DMGDH: variants seen among roughly 807,000 people sequenced by gnomAD.
The protein encoded by DMGDH is dimethylglycine dehydrogenase, also known as dimethylglycine dehydrogenase, mitochondrial.
In DMGDH, 76 loss-of-function variants were observed where a neutral mutation model predicts 95.2. The observed-to-expected ratio is 0.80, with a 90% CI of 0.66 to 0.97. The LOEUF is 0.97. DMGDH is among the 50% of genes least tolerant of loss of function. DMGDH has a pLI of 0.00. For synonymous variants in DMGDH, 345 were observed against 377.6 expected (o/e 0.91, Z 1.00); for missense variants, 987 against 1,055.0 (o/e 0.94, Z 0.89).
At chr5:79,043,669 C>T (rs979709987) in intron 6 of DMGDH, among the ~76,000 whole-genome samples, 1 of 152,188 alleles carries the variant, frequency 6.6e-6, no homozygotes, top group Non-Finnish European at 1.5e-5. Context: ...AGCTGAGGTA[C>T]CTCCTTAGAT....
chr5:79,059,040 C>T (rs990688169), intron 2 of DMGDH, among the ~76,000 whole-genome samples: 21 of 152,300 alleles, frequency 1.4e-4, no homozygotes, highest in African/African-American at 4.8e-4. Flanking sequence ...CACTAAAATA[C>T]GTGTATTTCT....
chr5:79,018,863 A>T lies in DMGDH; in HGVS notation c.2250+5408T>A, dbSNP rs958507094. 1.1e-4 allele frequency among the ~76,000 whole-genome samples: 17 copies of T among 152,312 alleles called. 1 individual carries two copies. Among genetic ancestry groups the T allele is most frequent in the Admixed American group, 5.9e-4 (9 of 15,296 alleles). ...GGATATATATGAAAATAATGATTCA[A>T]TGGCTTTAGTTTAATGTATCCTGAC... On this transcript the variant is annotated intron_variant, in intron 14 of 15. Coordinates refer to ENST00000255189, the MANE Select transcript of DMGDH (RefSeq NM_013391.3).
At chr5:79,009,524 T>TA (rs1189208435) in intron 14 of DMGDH, among the ~76,000 whole-genome samples, 1 of 152,092 alleles carries the variant, frequency 6.6e-6, no homozygotes, top group Non-Finnish European at 1.5e-5. Flanking sequence ...CAGGCCTTGC[T>TA]AATTTCTGTA....
At chr5:79,010,241 G>C (rs1276259440) in intron 14 of DMGDH, among the ~76,000 whole-genome samples, 3 of 152,214 alleles carry the variant, frequency 2.0e-5, no homozygotes, top group African/African-American at 7.2e-5. Flanking sequence ...ATGAAAGAAA[G>C]TAAATCAGTA....
chr5:79,066,579 C>T (rs902104174), intron 1 of DMGDH, among the ~76,000 whole-genome samples: 3 of 152,040 alleles, frequency 2.0e-5, no homozygotes, highest in African/African-American at 4.8e-5. Flanking sequence ...CAGGTGTGAG[C>T]CACCACGCCC....
At chr5:79,024,181 A>T in intron 14 of DMGDH, 90 bp downstream of exon 14, 1 of 1,145,974 alleles carries the variant, frequency 8.7e-7, no homozygotes, top group Non-Finnish European at 1.3e-6. Context: ...TATAATCCAT[A>T]CTTGGTTAAA....
rs757032350 is a variant in DMGDH at position 79,051,434 on chromosome 5, T to C, written c.598A>G (p.Met200Val). The C allele has an allele frequency of 3.1e-6, 5 of 1,614,172 alleles. No individual in the cohort carries two copies. Among genetic ancestry groups the C allele is most frequent in the Non-Finnish European group, 4.2e-6 (5 of 1,180,028 alleles). ...DGHIDPYSLT[M>V]ALAAGARKCG... ...TTCCTAGCCCCAGCAGCCAGTGCCATAGTTAGAGAATAAGGATCAATGTGA... is the reference window on the plus strand; with the variant it reads ...TTCCTAGCCCCAGCAGCCAGTGCCACAGTTAGAGAATAAGGATCAATGTGA... The change falls in exon 5 of 16, where the codon ATG (methionine) becomes GTG (valine). Residue 200 changes from methionine (M) to valine (V), a missense_variant. By Grantham distance (21) the Met-to-Val change is conservative. Transcript: ENST00000255189.
chr5:79,002,245 A>T lies in DMGDH; in HGVS notation c.2385+3028T>A, dbSNP rs73771376. ...GTTTTAGTTTACAAATAATAATTTT[A>T]AAAAACCTTCTAAGCTCTCCAAACC... On this transcript the variant is annotated intron_variant, in intron 15 of 15. Coordinates refer to ENST00000255189, the MANE Select transcript of DMGDH (RefSeq NM_013391.3). 1.1e-3 allele frequency among the ~76,000 whole-genome samples: 173 copies of T among 152,262 alleles called. 1 individual carries two copies. The highest frequency in any genetic ancestry group is 3.9e-3 in the African/African-American group (161 of 41,558).
chr5:79,018,910 C>A (rs76340872), intron 14 of DMGDH, among the ~76,000 whole-genome samples: 1 of 152,140 alleles, frequency 6.6e-6, no homozygotes, highest in Non-Finnish European at 1.5e-5. Flanking sequence ...GAATGGTCAA[C>A]TACACTTCAG....
At chr5:79,010,325 C>T (rs1204014208) in intron 14 of DMGDH, among the ~76,000 whole-genome samples, 4 of 152,102 alleles carry the variant, frequency 2.6e-5, no homozygotes, top group South Asian at 4.1e-4. Context: ...GACAGCAGCA[C>T]GGTAGGCAGG....
In DMGDH at chr5:78,998,064, A is replaced by C. The variant is rs760031705; in HGVS notation, c.*18T>G. The C allele has an allele frequency of 6.8e-6, 11 of 1,613,454 alleles. No homozygotes were observed. Among genetic ancestry groups the C allele is most frequent in the Non-Finnish European group, 8.5e-6 (10 of 1,179,490 alleles). On this transcript the variant is annotated 3_prime_UTR_variant, in exon 16 of 16. Coordinates refer to ENST00000255189, the MANE Select transcript of DMGDH (RefSeq NM_013391.3). ...GTCATTAGCAACTCTAATTCAGTTG[A>C]CTGCTGAAGGTCTTTTTTCAAGTTT...
chr5:79,006,648 AGAAAG>A (rs1753550497), intron 14 of DMGDH, among the ~76,000 whole-genome samples: 1 of 152,246 alleles, frequency 6.6e-6, no homozygotes, highest in South Asian at 2.1e-4. Flanking sequence ...CTGAACGCAA[AGAAAG>A]GAAACAACCA....
chr5:79,002,037 T>C (rs111879836), intron 15 of DMGDH, among the ~76,000 whole-genome samples: 47 of 152,356 alleles, frequency 3.1e-4, no homozygotes, highest in African/African-American at 1.1e-3. Context: ...AAAACAAACA[T>C]TGACCTTCTT....
intron 10 of DMGDH, 182 bp downstream of exon 10, chr5:79,030,651 A>G: frequency 5.0e-6 from 2 of 403,554 alleles, no homozygotes; most frequent in South Asian, 4.5e-5. Context: ...GTCTCTCAAA[A>G]AAAAAAAAAA....
chr5:79,016,647 G>T (rs1326693632), intron 14 of DMGDH, among the ~76,000 whole-genome samples: 2 of 152,180 alleles, frequency 1.3e-5, no homozygotes, highest in Admixed American at 1.3e-4. Context: ...TTGACCTGTA[G>T]ATAAAATGCA....
At chr5:79,029,696 A>C (rs7731142) in intron 11 of DMGDH, among the ~76,000 whole-genome samples, 50,156 of 152,144 alleles carry the variant, frequency 0.33, 9,037 homozygotes, top group African/African-American at 0.48. Flanking sequence ...TTATTAGAAC[A>C]AGTAACCTAT....
chr5:79,016,162 C>T (rs943326932), intron 14 of DMGDH, among the ~76,000 whole-genome samples: 2 of 151,320 alleles, frequency 1.3e-5, no homozygotes, highest in East Asian at 1.9e-4. Context: ...CGCTTGAACC[C>T]GGGAGGCAGA....
At chr5:79,027,668 G>C (rs1375072861) in intron 12 of DMGDH, among the ~76,000 whole-genome samples, 1 of 152,054 alleles carries the variant, frequency 6.6e-6, no homozygotes, top group Non-Finnish European at 1.5e-5. Context: ...AGACATCTCA[G>C]TGAACTTACA....
intron 14 of DMGDH, among the ~76,000 whole-genome samples, chr5:79,012,163 C>T (rs554218107): frequency 6.6e-6 from 1 of 152,160 alleles, no homozygotes; most frequent in Admixed American, 6.5e-5. Context: ...GGGATACAAG[C>T]ACTGGGTAAA....
Sources: gnomAD v4.1 joint callset for allele counts (sites outside exome capture counted in the v4.1 genomes callset) on GRCh38, gnomAD v4.1.1 for gene constraint, MANE v1.5 for transcripts, NCBI Gene and HGNC (gene_info 2026-07-23, HGNC 2026-07-21) for gene names.